The following ALG9 variants were observed in gnomAD, a reference collection of about 807,000 sequenced individuals.
ALG9 encodes the protein alpha-1,2-mannosyltransferase ALG9.
ALG9 carries 55 observed loss-of-function variants against 81.8 expected under a neutral mutation model. The ratio of observed to expected loss-of-function variants is 0.67; its 90% confidence interval spans 0.54 to 0.84. The LOEUF is 0.84. Among genes scored for constraint, ALG9 ranks in the 40% least tolerant of loss-of-function variants. The pLI, the probability that ALG9 is intolerant of heterozygous loss-of-function variation, is 0.00. For synonymous variants in ALG9, 278 were observed against 274.3 expected (o/e 1.01, Z -0.13); for missense variants, 629 against 745.0 (o/e 0.84, Z 1.81).
intron 13 of ALG9, among the ~76,000 whole-genome samples, chr11:111,835,631 C>A (rs566070562): frequency 6.6e-6 from 1 of 152,120 alleles, no homozygotes; most frequent in Non-Finnish European, 1.5e-5. Flanking sequence ...TTTCAGCCTA[C>A]CCAAAACCTT....
chr11:111,853,829 T>A, intron 6 of ALG9, 93 bp from the exon 7 acceptor site: 1 of 1,168,388 alleles, frequency 8.6e-7, no homozygotes, highest in South Asian at 1.2e-5. Context: ...GAGAATAAAA[T>A]GCCTCTGCCA....
At chr11:111,781,632 T>C (rs1945943817), downstream of ALG9, among the ~76,000 whole-genome samples, 1 of 152,076 alleles carries the variant, frequency 6.6e-6, no homozygotes, top group African/African-American at 2.4e-5. Flanking sequence ...GTAATTCCTT[T>C]TAATTTTTAT....
rs1370865511 is a variant in ALG9 at position 111,871,539 on chromosome 11, A to T, written c.-57T>A. The T allele has an allele frequency of 7.2e-6, 11 of 1,534,174 alleles. No individual in the cohort carries two copies. Among genetic ancestry groups the T allele is most frequent in the Non-Finnish European group, 9.6e-6 (11 of 1,145,838 alleles). On this transcript the variant is annotated 5_prime_UTR_variant, in exon 1 of 15. It removes an upstream start codon present in the reference 5' UTR. Coordinates refer to ENST00000616540, the MANE Select transcript of ALG9 (RefSeq NM_024740.2). The stretch of plus-strand genomic sequence containing the variant: ...CTATGAAGTCGGTGAGCGCGCAGAC[A>T]TAGCTTTGGCTGGCAAACGGTGTCC...
At chr11:111,857,945 T>TC in intron 5 of ALG9, 1 of 555,512 alleles carries the variant, frequency 1.8e-6, no homozygotes, top group Non-Finnish European at 3.1e-6. Flanking sequence ...TTCTCACTCC[T>TC]GGTTTTTTTT....
At chr11:111,793,961 CA>C (rs1555072989) in intron 14 of ALG9, among the ~76,000 whole-genome samples, 1 of 152,204 alleles carries the variant, frequency 6.6e-6, no homozygotes, top group Non-Finnish European at 1.5e-5. Flanking sequence ...TTCAGGGAGA[CA>C]TAAATATGTG....
chr11:111,846,885 A>G (rs1555130486), intron 8 of ALG9, among the ~76,000 whole-genome samples: 1 of 152,200 alleles, frequency 6.6e-6, no homozygotes. Flanking sequence ...ATGACAAGCT[A>G]AACGCTGAAC....
intron 13 of ALG9, among the ~76,000 whole-genome samples, chr11:111,818,022 G>A (rs555524458): frequency 1.3e-3 from 195 of 152,022 alleles, no homozygotes; most frequent in African/African-American, 4.5e-3. Flanking sequence ...CAGGTGATCC[G>A]CCCACTTCGG....
At chr11:111,771,019 G>A in the ALG9 span, 1 of 152,194 alleles carries the variant, frequency 6.6e-6, no homozygotes, top group African/African-American at 2.4e-5. Context: ...GGAAGACTGA[G>A]TTAGATTTGC....
intron 6 of ALG9, among the ~76,000 whole-genome samples, chr11:111,854,115 T>G (rs1159005532): frequency 6.8e-6 from 1 of 146,456 alleles, no homozygotes; most frequent in African/African-American, 2.7e-5. Flanking sequence ...TTTTTTTTTT[T>G]GAGACAGGGT....
intron 14 of ALG9, among the ~76,000 whole-genome samples, chr11:111,787,693 C>T (rs1194265799): frequency 2.0e-5 from 3 of 151,782 alleles, no homozygotes; most frequent in Non-Finnish European, 2.9e-5. Flanking sequence ...CTCCTGACCT[C>T]GTGATCCGCC....
chr11:111,838,310 T>C lies in ALG9; in HGVS notation c.1263A>G (p.Ala421=), dbSNP rs782667116. The C allele has an allele frequency of 6.2e-7, 1 of 1,614,196 alleles. No homozygotes were observed. ...GCCCAAACAGGAAGACAGTTCCTAATGCCAGCCAATTCGATGTCACAGTAT... is the reference window on the plus strand; with the variant it reads ...GCCCAAACAGGAAGACAGTTCCTAACGCCAGCCAATTCGATGTCACAGTAT... ...EHYTVTSNWL[A]LGTVFLFGLL... Residue 421 remains alanine (A), a synonymous_variant, in exon 11 of 15, where the codon GCA becomes GCG. Coordinates refer to ENST00000616540, the MANE Select transcript of ALG9 (RefSeq NM_024740.2).
rs782169051 is a variant in ALG9, at chr11:111,870,387, A to C, written c.132-17T>G. On this transcript the variant is annotated splice_polypyrimidine_tract_variant and intron_variant, in intron 1 of 14. Transcript: ENST00000616540. ...CCAGATAACCTGTTCAAAAGCAAAA[A>C]AAAAAAAAAAAAAAAAAGCATGTCA... 0.012 allele frequency: 15,521 copies of C among 1,340,138 alleles called. 13 individuals carry two copies. Among genetic ancestry groups the C allele is most frequent in the Middle Eastern group, 0.025 (117 of 4,714 alleles). 83.0% of individuals were successfully genotyped at this position (1,340,138 alleles called of 1,614,324 possible).
intron 4 of ALG9, among the ~76,000 whole-genome samples, chr11:111,862,533 C>T (rs1472166014): frequency 4.0e-5 from 6 of 151,416 alleles, no homozygotes; most frequent in South Asian, 4.1e-4. Flanking sequence ...CGTGCCCAGC[C>T]GTGGCTTACA....
At chr11:111,791,915 A>G (rs1416019520) in intron 14 of ALG9, among the ~76,000 whole-genome samples, 4 of 152,212 alleles carry the variant, frequency 2.6e-5, no homozygotes, top group Admixed American at 2.6e-4. Flanking sequence ...AACATGGTGA[A>G]ACCCCTAAAA....
intron 9 of ALG9, among the ~76,000 whole-genome samples, chr11:111,843,178 CA>C (rs1956479827): frequency 1.3e-5 from 2 of 152,126 alleles, no homozygotes; most frequent in Non-Finnish European, 2.9e-5. Context: ...AATAAGTTAA[CA>C]CCTCAAGGGA....
chr11:111,768,377 T>C, the ALG9 span, among the ~76,000 whole-genome samples: 1 of 152,214 alleles, frequency 6.6e-6, no homozygotes, highest in Non-Finnish European at 1.5e-5. Context: ...TGTAAATTTG[T>C]TGTGGTTTTT....
At chr11:111,776,311 T>TGGA in the ALG9 span, among the ~76,000 whole-genome samples, 1 of 152,106 alleles carries the variant, frequency 6.6e-6, no homozygotes, top group Non-Finnish European at 1.5e-5. Flanking sequence ...AAACCAAGGC[T>TGGA]GGACATAGTG....
rs1462574140 is a variant in ALG9 at position 111,871,550 on chromosome 11, T to C, written c.-68A>G. Reference sequence around the variant, plus strand: ...GTGAGCGCGCAGACATAGCTTTGGCTGGCAAACGGTGTCCGCCGAGGGACA... The same window carrying C: ...GTGAGCGCGCAGACATAGCTTTGGCCGGCAAACGGTGTCCGCCGAGGGACA... On this transcript the variant is annotated 5_prime_UTR_variant, in exon 1 of 15. Coordinates refer to ENST00000616540, the MANE Select transcript of ALG9 (RefSeq NM_024740.2). 5 of 1,533,436 alleles carry C rather than the reference T, an allele frequency of 3.3e-6. No homozygotes were observed. Among genetic ancestry groups the C allele is most frequent in the Non-Finnish European group, 3.5e-6 (4 of 1,145,476 alleles). 95.0% of individuals were successfully genotyped at this position (1,533,436 alleles called of 1,614,324 possible).
At chr11:111,812,016 T>G (rs1305961067) in intron 13 of ALG9, among the ~76,000 whole-genome samples, 1 of 152,194 alleles carries the variant, frequency 6.6e-6, no homozygotes, top group Non-Finnish European at 1.5e-5. Flanking sequence ...ATTTTATAAT[T>G]AAAAAACATT....
Sources: gnomAD v4.1 joint callset for allele counts (sites outside exome capture counted in the v4.1 genomes callset) on GRCh38, gnomAD v4.1.1 for gene constraint, MANE v1.5 for transcripts, NCBI Gene and HGNC (gene_info 2026-07-23, HGNC 2026-07-21) for gene names.